The following MSRB3 variants were observed in gnomAD, a reference collection of about 807,000 sequenced individuals.
MSRB3 encodes methionine sulfoxide reductase B3, also known as methionine-R-sulfoxide reductase B3.
In MSRB3, 13 loss-of-function variants were observed where a neutral mutation model predicts 21.0. That is an observed-to-expected ratio of 0.62 (90% CI 0.40 to 0.98). The LOEUF is 0.98. Among genes scored for constraint, MSRB3 ranks in the 50% least tolerant of loss-of-function variants. The pLI is 0.00. For missense variants in MSRB3, 199 were observed against 230.3 expected, an observed-to-expected ratio of 0.86 and a Z score of 0.88; for synonymous variants, 87 against 88.6, an observed-to-expected ratio of 0.98 and a Z score of 0.10.
chr12:65,326,364 A>G (rs1473713667), intron 2 of MSRB3, among the ~76,000 whole-genome samples: 2 of 152,200 alleles, frequency 1.3e-5, no homozygotes, highest in Non-Finnish European at 2.9e-5. Context: ...ATCATCCACA[A>G]TGGAAATGGA....
chr12:65,398,733 G>C (rs1879952590), intron 5 of MSRB3, among the ~76,000 whole-genome samples: 2 of 152,128 alleles, frequency 1.3e-5, no homozygotes, highest in Admixed American at 1.3e-4. Context: ...TGTTTTTATG[G>C]TTTTAGGTGC....
intron 5 of MSRB3, among the ~76,000 whole-genome samples, chr12:65,429,502 G>A (rs1282281645): frequency 1.3e-5 from 2 of 152,100 alleles, no homozygotes; most frequent in African/African-American, 2.4e-5. Flanking sequence ...GATCATGCAG[G>A]TTTTTGTCCA....
At chr12:65,408,438 T>A (rs1342156884) in intron 5 of MSRB3, among the ~76,000 whole-genome samples, 2 of 152,206 alleles carry the variant, frequency 1.3e-5, no homozygotes, top group Non-Finnish European at 2.9e-5. Context: ...TAAAAGGAAC[T>A]GAGGTAGTAG....
chr12:65,408,937 C>T (rs1419950205), intron 5 of MSRB3, among the ~76,000 whole-genome samples: 1 of 152,132 alleles, frequency 6.6e-6, no homozygotes, highest in Admixed American at 6.5e-5. Flanking sequence ...TCCCCTTCCC[C>T]CTGCTGGAAT....
chr12:65,432,664 G>GT (rs1423648362), intron 5 of MSRB3, among the ~76,000 whole-genome samples: 3 of 147,122 alleles, frequency 2.0e-5, no homozygotes, highest in African/African-American at 5.4e-5. Flanking sequence ...TTTTACAGAT[G>GT]TTTTTTTCCA....
chr12:65,337,761 A>G (rs934983271), intron 4 of MSRB3, among the ~76,000 whole-genome samples: 12 of 152,230 alleles, frequency 7.9e-5, no homozygotes, highest in African/African-American at 2.7e-4. Flanking sequence ...TGCATATTTT[A>G]TAATATATTA....
chr12:65,366,299 C>T (rs952927426), intron 4 of MSRB3, among the ~76,000 whole-genome samples: 9 of 152,180 alleles, frequency 5.9e-5, no homozygotes, highest in Admixed American at 5.9e-4. Context: ...TTGGCCACTC[C>T]TTGGACTGGA....
In MSRB3 at chr12:65,434,452, T is replaced by C. The variant is rs576837178; in HGVS notation, c.293-19276T>C. Among the ~76,000 whole-genome samples the C allele has an allele frequency of 7.9e-5, 12 of 152,104 alleles. No homozygotes were observed. In the East Asian group the frequency reaches 9.6e-4, roughly 12 times the overall value. Reference sequence around the variant, plus strand: ...AGACAACAGACAATAATATGAACTATCACCAAGTAAGTTTTATTGTATAAT... The same window carrying C: ...AGACAACAGACAATAATATGAACTACCACCAAGTAAGTTTTATTGTATAAT... On this transcript the variant is annotated intron_variant, in intron 5 of 6. Transcript: ENST00000308259.
At chr12:65,287,969 G>A (rs2136390638) in intron 1 of MSRB3, among the ~76,000 whole-genome samples, 1 of 151,622 alleles carries the variant, frequency 6.6e-6, no homozygotes, top group Admixed American at 6.6e-5. Context: ...TTTCATATCT[G>A]CAAAATGAAT....
chr12:65,461,384 C>A (rs1448044831), intron 6 of MSRB3, among the ~76,000 whole-genome samples: 2 of 152,186 alleles, frequency 1.3e-5, no homozygotes, highest in Non-Finnish European at 2.9e-5. Context: ...CCTAAACCTG[C>A]ATCGAATGTG....
chr12:65,295,389 A>G (rs1367386862), intron 1 of MSRB3, among the ~76,000 whole-genome samples: 1 of 152,128 alleles, frequency 6.6e-6, no homozygotes, highest in East Asian at 1.9e-4. Flanking sequence ...ATTTTGTATT[A>G]TACGTTCTCC....
chr12:65,317,035 C>T (rs1874343648), intron 2 of MSRB3, among the ~76,000 whole-genome samples: 1 of 152,014 alleles, frequency 6.6e-6, no homozygotes, highest in South Asian at 2.1e-4. Context: ...AAGAGAGAAA[C>T]AGAATGGACA....
chr12:65,297,271 G>A (rs906533464), intron 1 of MSRB3, among the ~76,000 whole-genome samples: 3 of 152,072 alleles, frequency 2.0e-5, no homozygotes, highest in Non-Finnish European at 4.4e-5. Context: ...AATGCATGCT[G>A]GGCTTAATAC....
At chr12:65,280,961 C>T (rs1592481890) in intron 1 of MSRB3, among the ~76,000 whole-genome samples, 1 of 152,256 alleles carries the variant, frequency 6.6e-6, no homozygotes, top group East Asian at 1.9e-4. Flanking sequence ...CGTGTGGTGG[C>T]TCATGCCTGT....
chr12:65,299,678 G>A (rs1173821990), intron 1 of MSRB3, among the ~76,000 whole-genome samples: 2 of 152,066 alleles, frequency 1.3e-5, no homozygotes, highest in Admixed American at 1.3e-4. Context: ...GGATTCTAGG[G>A]GTCAGTTAGC....
At chr12:65,319,755 G>A (rs1056982752) in intron 2 of MSRB3, among the ~76,000 whole-genome samples, 1 of 152,122 alleles carries the variant, frequency 6.6e-6, no homozygotes, top group Admixed American at 6.6e-5. Context: ...CAATGTGTTT[G>A]GGAAAATAAA....
At chr12:65,353,201 G>T (rs1252827065) in intron 4 of MSRB3, among the ~76,000 whole-genome samples, 1 of 152,118 alleles carries the variant, frequency 6.6e-6, no homozygotes, top group African/African-American at 2.4e-5. Context: ...TGTATATTCT[G>T]TTGATTTGGG....
chr12:65,396,691 CAAAAAAAAAA>C (rs747120558), intron 5 of MSRB3, among the ~76,000 whole-genome samples: 6 of 23,170 alleles, frequency 2.6e-4, no homozygotes, highest in African/African-American at 7.0e-4. Context: ...AACTCCATCT[CAAAAAAAAAA>C]AAAAAAGAAA....
chr12:65,370,774 G>T lies in MSRB3; in HGVS notation c.292+1748G>T, dbSNP rs144312131. The stretch of plus-strand genomic sequence containing the variant: ...TCTTATTTAAAAAAAATCTATCATG[G>T]ACAACATCTGCATGTCTTTGAAAAC... On this transcript the variant is annotated intron_variant, in intron 5 of 6. Transcript: ENST00000308259. Among the ~76,000 whole-genome samples the T allele has an allele frequency of 1.1e-4, 17 of 151,932 alleles. No individual in the cohort carries two copies. The East Asian group carries it at 3.3e-3, about 29-fold the overall frequency.
Sources: allele counts gnomAD v4.1 joint callset (sites outside exome capture counted in the v4.1 genomes callset), GRCh38; gene constraint gnomAD v4.1.1; transcripts MANE v1.5; gene names NCBI Gene and HGNC (gene_info 2026-07-23, HGNC 2026-07-21).